DPH6: variants seen among roughly 807,000 people sequenced by gnomAD.
DPH6 encodes diphthine--ammonia ligase.
DPH6 carries 33 observed loss-of-function variants against 38.2 expected under a neutral mutation model. The ratio of observed to expected loss-of-function variants is 0.86; its 90% CI spans 0.65 to 1.15. The LOEUF is 1.15. DPH6 is among the 50% of genes most tolerant of loss of function. DPH6 has a pLI of 0.00. For missense variants in DPH6, 325 were observed against 320.0 expected, an observed-to-expected ratio of 1.02 and a Z score of -0.12; for synonymous variants, 108 against 103.0, an observed-to-expected ratio of 1.05 and a Z score of -0.30.
chr15:35,172,060 G>T, the DPH6 span, among the ~76,000 whole-genome samples: 2 of 151,980 alleles, frequency 1.3e-5, no homozygotes, highest in African/African-American at 4.8e-5. Flanking sequence ...TAGAGACAGG[G>T]TTTCACCATG....
At chr15:35,361,096 A>G (rs1351659344) in intron 3 of DPH6, among the ~76,000 whole-genome samples, 1 of 152,114 alleles carries the variant, frequency 6.6e-6, no homozygotes, top group African/African-American at 2.4e-5. Flanking sequence ...ACAGAGACCA[A>G]GCGTGTCCGG....
intron 3 of DPH6, among the ~76,000 whole-genome samples, chr15:35,263,398 CTTTTTT>C (rs757916530): frequency 1.0e-5 from 1 of 99,000 alleles, no homozygotes; most frequent in Non-Finnish European, 1.9e-5. Flanking sequence ...CATAATTAAT[CTTTTTT>C]TTTTTTTTTT....
chr15:35,370,900 C>T lies in DPH6; in HGVS notation c.*1250G>A, dbSNP rs1041253337. ...ACCTGTTCATGGATGTTTATAGTCG[C>T]TTTATTCATAATCGCCAAAACATGG... On this transcript the variant is annotated 3_prime_UTR_variant, in exon 9 of 9. Transcript: ENST00000256538. The T allele has an allele frequency of 2.0e-5, 3 of 151,582 alleles. No individual in the cohort carries two copies. Among genetic ancestry groups the T allele is most frequent in the Admixed American group, 2.0e-4 (3 of 15,168 alleles). 9.4% of individuals were successfully genotyped at this position (151,582 alleles called of 1,614,324 possible).
intron 3 of DPH6, among the ~76,000 whole-genome samples, chr15:35,461,951 T>C (rs1327256435): frequency 6.6e-6 from 1 of 152,198 alleles, no homozygotes; most frequent in African/African-American, 2.4e-5. Context: ...AACAAAGCTC[T>C]TGATCCAGCA....
At position 35,493,445 on chromosome 15, in the gene DPH6, T is replaced by C. The variant is rs140944972; in HGVS notation, c.313-38625A>G. On this transcript the variant is annotated intron_variant, in intron 3 of 8. Coordinates refer to ENST00000256538, the MANE Select transcript of DPH6 (RefSeq NM_080650.4). ...AACAACAATAACAAAAATAATTGCA[T>C]TTAAAATGAGCAGAAAAAGCTTTTA... 6.9e-3 allele frequency among the ~76,000 whole-genome samples: 1,047 copies of C among 152,222 alleles called. 16 individuals carry two copies. The highest frequency in any genetic ancestry group is 0.024 in the African/African-American group (989 of 41,544).
chr15:35,441,337 T>C (rs28841934), intron 5 of DPH6, among the ~76,000 whole-genome samples: 2,350 of 152,216 alleles, frequency 0.015, 37 homozygotes, highest in South Asian at 0.095. Context: ...TATAAATCAT[T>C]CTACTATAAA....
intron 5 of DPH6, among the ~76,000 whole-genome samples, chr15:35,423,019 CAT>C (rs764040664): frequency 3.3e-5 from 5 of 151,950 alleles, no homozygotes; most frequent in African/African-American, 4.8e-5. Context: ...CTAAAATAAA[CAT>C]GTGAGTGCAG....
intron 4 of DPH6, among the ~76,000 whole-genome samples, chr15:35,452,693 T>C (rs2053951404): frequency 6.6e-6 from 1 of 152,220 alleles, no homozygotes; most frequent in African/African-American, 2.4e-5. Context: ...TCTAAAGCAA[T>C]GCTGAAGCAG....
chr15:35,484,598 T>C (rs2054372209), intron 3 of DPH6, among the ~76,000 whole-genome samples: 1 of 152,212 alleles, frequency 6.6e-6, no homozygotes, highest in African/African-American at 2.4e-5. Flanking sequence ...GCTTACAATA[T>C]GGCAGCTATT....
intron 3 of DPH6, among the ~76,000 whole-genome samples, chr15:35,255,409 CAA>C (rs980501076): frequency 5.9e-5 from 9 of 152,092 alleles, no homozygotes; most frequent in Admixed American, 3.3e-4. Flanking sequence ...TATTTCTAAC[CAA>C]AGTCTCATGA....
At chr15:35,335,297 T>C (rs544684215) in intron 3 of DPH6, among the ~76,000 whole-genome samples, 92 of 152,356 alleles carry the variant, frequency 6.0e-4, no homozygotes, top group African/African-American at 2.2e-3. Context: ...ATTAGGCCTT[T>C]GCCAGATGAA....
At chr15:35,529,204 C>A (rs1419104855) in intron 3 of DPH6, among the ~76,000 whole-genome samples, 2 of 152,134 alleles carry the variant, frequency 1.3e-5, no homozygotes, top group Non-Finnish European at 2.9e-5. Flanking sequence ...GAGGTTTAAT[C>A]AGCTCAGGTT....
intron 3 of DPH6, among the ~76,000 whole-genome samples, chr15:35,249,986 A>C (rs1486200689): frequency 6.7e-6 from 1 of 148,736 alleles, no homozygotes; most frequent in Non-Finnish European, 1.5e-5. Context: ...ACACGGCGAA[A>C]CACCATCTCT....
At chr15:35,381,102 A>G (rs2052858773) in intron 7 of DPH6, among the ~76,000 whole-genome samples, 1 of 152,178 alleles carries the variant, frequency 6.6e-6, no homozygotes, top group Non-Finnish European at 1.5e-5. Context: ...GTTAAGTCTT[A>G]GTGTTAGAAA....
chr15:35,254,202 CA>C (rs879829156), intron 3 of DPH6, among the ~76,000 whole-genome samples: 4 of 152,170 alleles, frequency 2.6e-5, no homozygotes, highest in Admixed American at 6.5e-5. Context: ...ATACTATTAA[CA>C]ATTCAAAAGA....
intron 6 of DPH6, among the ~76,000 whole-genome samples, chr15:35,406,061 GAAAAA>G (rs985653635): frequency 6.6e-6 from 1 of 151,872 alleles, no homozygotes; most frequent in Admixed American, 6.6e-5. Context: ...CTATTTAAAA[GAAAAA>G]ATAGTATGAT....
chr15:35,368,223 A>G (rs1395211817), downstream of DPH6, among the ~76,000 whole-genome samples: 1 of 151,944 alleles, frequency 6.6e-6, no homozygotes, highest in Non-Finnish European at 1.5e-5. Context: ...TTAAGTAGTT[A>G]AAAAGAGAAG....
chr15:35,543,577 C>T (rs2055298130), intron 1 of DPH6, among the ~76,000 whole-genome samples: 1 of 151,972 alleles, frequency 6.6e-6, no homozygotes, highest in African/African-American at 2.4e-5. Context: ...CCTGCAAATC[C>T]CCAGGCAATG....
At chr15:35,226,991 T>G (rs991683144) in intron 3 of DPH6, among the ~76,000 whole-genome samples, 2 of 152,070 alleles carry the variant, frequency 1.3e-5, no homozygotes, top group Non-Finnish European at 2.9e-5. Flanking sequence ...CATTATGGTT[T>G]TCATCTTGTC....
Sources: gnomAD v4.1 joint callset for allele counts (sites outside exome capture counted in the v4.1 genomes callset) on GRCh38, gnomAD v4.1.1 for gene constraint, MANE v1.5 for transcripts, NCBI Gene and HGNC (gene_info 2026-07-23, HGNC 2026-07-21) for gene names.